The following RGS11 variants were observed in gnomAD, a reference collection of about 807,000 sequenced individuals.
RGS11 encodes regulator of G protein signaling 11.
In RGS11, 86 loss-of-function variants were observed where a neutral mutation model predicts 71.1. The ratio of observed to expected loss-of-function variants is 1.21; its 90% confidence interval spans 1.02 to 1.45. RGS11 has a LOEUF of 1.45. Ranked by LOEUF, RGS11 falls within the 40% of genes most tolerant of loss-of-function variation. The pLI is 0.00. For synonymous variants in RGS11, 298 were observed against 254.2 expected, an observed-to-expected ratio of 1.17 and a Z score of -1.64; for missense variants, 734 against 635.1, an observed-to-expected ratio of 1.16 and a Z score of -1.67.
chr16:273,255 G>A (rs57318979), intron 8 of RGS11, among the ~76,000 whole-genome samples: 1 of 152,208 alleles, frequency 6.6e-6, no homozygotes, highest in Non-Finnish European at 1.5e-5. Flanking sequence ...CTTGGGCCCA[G>A]AGAGAAGCTG....
chr16:272,984 CT>C, intron 8 of RGS11, 53 bp from the exon 9 acceptor site: 1 of 1,430,678 alleles, frequency 7.0e-7, no homozygotes. Flanking sequence ...GGCTGACCCC[CT>C]TTAAGGCTAA....
chr16:272,781 A>G (rs2051994169), intron 9 of RGS11, 82 bp downstream of exon 9: 1 of 1,532,584 alleles, frequency 6.5e-7, no homozygotes, highest in Non-Finnish European at 8.7e-7. Flanking sequence ...TGACGGACAG[A>G]TGGGCAGTCC....
intron 9 of RGS11, chr16:271,858 G>A: frequency 2.0e-6 from 1 of 499,548 alleles, no homozygotes; most frequent in Admixed American, 3.5e-5. Context: ...ATTTTTTTGA[G>A]ACAGTTTCAC....
chr16:275,917 CG>C lies in RGS11; in HGVS notation c.-7del. 1.5e-6 allele frequency: 1 copy of C among 685,644 alleles called. No homozygotes were observed. Among genetic ancestry groups the C allele is most frequent in the Non-Finnish European group, 1.8e-6 (1 of 560,786 alleles). 42.5% of individuals were successfully genotyped at this position (685,644 alleles called of 1,614,324 possible). A position where few individuals can be genotyped will look rare whatever the true frequency, so the allele number is the denominator to read the frequency against. On this transcript the variant is annotated 5_prime_UTR_variant, in exon 1 of 17. Transcript: ENST00000397770. ...GGCGCGGGGCCGGCGGCCATGGCTGCGGGGCGAGGCCGGCGGGGATGACCGA... is the reference window on the plus strand; with the variant it reads ...GGCGCGGGGCCGGCGGCCATGGCTGCGGGCGAGGCCGGCGGGGATGACCGA...
chr16:269,388 G>A lies in RGS11; in HGVS notation c.1290-5C>T. ...CTCCACGTAAACGGGAACACGCTGTGGGCGAGAAGGCGGCTGAGAACAGGC... is the reference window on the plus strand; with the variant it reads ...CTCCACGTAAACGGGAACACGCTGTAGGCGAGAAGGCGGCTGAGAACAGGC... On this transcript the variant is annotated splice_polypyrimidine_tract_variant and splice_region_variant and intron_variant, in intron 16 of 16. Coordinates refer to ENST00000397770, the MANE Select transcript of RGS11 (RefSeq NM_183337.3). The A allele has an allele frequency of 6.3e-7, 1 of 1,598,028 alleles. No individual in the cohort carries two copies. Among genetic ancestry groups the A allele is most frequent in the Non-Finnish European group, 8.5e-7 (1 of 1,171,548 alleles).
intron 15 of RGS11, 93 bp downstream of exon 15, chr16:270,430 C>T (rs1484214625): frequency 1.4e-6 from 2 of 1,412,200 alleles, no homozygotes; most frequent in Non-Finnish European, 1.9e-6. Flanking sequence ...TCAACGTGGG[C>T]AGTGCCTGTG....
chr16:275,234 G>T (rs753533213), intron 3 of RGS11, 49 bp downstream of exon 3: 1 of 1,610,870 alleles, frequency 6.2e-7, no homozygotes, highest in Admixed American at 1.7e-5. Context: ...CCCAGGCCTA[G>T]GCCACCAGCC....
Position 275,438 on chromosome 16 carries a change from G to A in RGS11, c.124C>T (p.Arg42Cys). ...TGGGGAATGACGGTGACCAGCAGGC[G>A]CTGGCTCCGCATCTTCACGCCCTGG... Reference protein sequence around the residue: ...PDQGVKMRSQRLLVTVIPHAV... With the variant: ...PDQGVKMRSQCLLVTVIPHAV... The change falls in exon 2 of 17, where the codon CGC becomes TGC. Residue 42 changes from arginine (R) to cysteine (C), a missense_variant. Coordinates refer to ENST00000397770, the MANE Select transcript of RGS11 (RefSeq NM_183337.3). 1.9e-6 allele frequency: 3 copies of A among 1,599,726 alleles called. No homozygotes were observed. The highest frequency in any genetic ancestry group is 2.5e-6 in the Non-Finnish European group (3 of 1,178,612).
chr16:271,692 C>T, intron 9 of RGS11, 123 bp from the exon 10 acceptor site: 3 of 923,876 alleles, frequency 3.2e-6, no homozygotes, highest in Non-Finnish European at 3.5e-6. Flanking sequence ...GATGGTGGCC[C>T]AGGCCCCCAG....
In RGS11 at chr16:270,846, AC is replaced by A; in HGVS notation, c.980-16del. 1 of 1,607,636 alleles carries A rather than the reference AC, an allele frequency of 6.2e-7. No individual in the cohort carries two copies. Among genetic ancestry groups the A allele is most frequent in the East Asian group, 2.2e-5 (1 of 44,654 alleles). ...GAGGTTTTCTCCTGGGGGGCCGGGC[AC>A]CCAGTCAAGGATCCCATCGAGAGTG... On this transcript the variant is annotated splice_polypyrimidine_tract_variant and intron_variant, in intron 13 of 16. Transcript: ENST00000397770.
rs2051913102 is a variant in RGS11 at position 271,090 on chromosome 16, G to A, written c.873C>T (p.Ala291=). The change falls in exon 13 of 17, where the codon GCC becomes GCT. Residue 291 remains alanine (A), a synonymous_variant. Transcript: ENST00000397770. ...ATCTCTCCACACGGAGCTTCGTGGG[G>A]GCAGCCACCCTGGGGAGAGGGCAGG... is the stretch of plus-strand genomic sequence containing the variant. The part of the protein sequence containing the change: ...YWVMNAPTVA[A]PTKLRVERWG... 2 of 1,611,982 alleles carry A rather than the reference G, an allele frequency of 1.2e-6. No homozygotes were observed. Among genetic ancestry groups the A allele is most frequent in the African/African-American group, 1.3e-5 (1 of 75,022 alleles).
intron 4 of RGS11, 29 bp downstream of exon 4, chr16:274,947 C>T (rs759624987): frequency 1.3e-6 from 2 of 1,542,192 alleles, no homozygotes; most frequent in Non-Finnish European, 1.8e-6. Context: ...GGGGTCCCAC[C>T]GGCTCCCACC....
rs373564193 is a variant in RGS11, at chr16:271,343, G to A, written c.750-28C>T. ...GGAAGGGGGTATGGGGGCTGGTGCA[G>A]GAGGGGCCTCAGCACTCAGCAGGGG... is the stretch of plus-strand genomic sequence containing the variant. On this transcript the variant is annotated intron_variant, in intron 11 of 16. Coordinates refer to ENST00000397770, the MANE Select transcript of RGS11 (RefSeq NM_183337.3). The A allele has an allele frequency of 3.7e-6, 6 of 1,611,714 alleles. No individual in the cohort carries two copies. The African/African-American group carries it at 8.0e-5, about 22-fold the overall frequency.
chr16:272,343 G>T, intron 9 of RGS11: 1 of 1,289,728 alleles, frequency 7.8e-7, no homozygotes, highest in Non-Finnish European at 1.0e-6. Flanking sequence ...GAAATGTTAG[G>T]GTCGTGAACT....
intron 15 of RGS11, among the ~76,000 whole-genome samples, chr16:270,299 A>T (rs964241643): frequency 6.6e-6 from 1 of 152,222 alleles, no homozygotes; most frequent in Non-Finnish European, 1.5e-5. Flanking sequence ...CTTATTAAGC[A>T]TGTGATCTGG....
At position 269,526 on chromosome 16, in the gene RGS11, C is replaced by T; in HGVS notation, c.1266G>A (p.Gly422=). 2 of 1,613,320 alleles carry T rather than the reference C, an allele frequency of 1.2e-6. No homozygotes were observed. Among genetic ancestry groups the T allele is most frequent in the Non-Finnish European group, 1.7e-6 (2 of 1,179,930 alleles). ...ACCGTCTCTTCATCTCCAGCGGGAT[C>T]CCAGCCTCTGCCAGGAGGGCCTTGT... ...DMYKALLAEA[G]IPLEMKRRVF... The change falls in exon 16 of 17, where the codon GGG becomes GGA. Residue 422 remains glycine, a synonymous_variant. Coordinates refer to ENST00000397770, the MANE Select transcript of RGS11 (RefSeq NM_183337.3).
chr16:273,446 ACC>A (rs878963183), intron 8 of RGS11, 27 bp downstream of exon 8: 22 of 1,521,692 alleles, frequency 1.4e-5, no homozygotes, highest in Admixed American at 2.0e-5. Flanking sequence ...CTGGCCAGCG[ACC>A]CCCACCCTCA....
At chr16:275,609 G>T in intron 1 of RGS11, 111 bp from the exon 2 acceptor site, 1 of 966,468 alleles carries the variant, frequency 1.0e-6, no homozygotes, top group Non-Finnish European at 1.5e-6. Context: ...CGCGGCGGCG[G>T]CGGATTCCAG....
chr16:268,559 A>T lies in RGS11; in HGVS notation c.*710T>A, dbSNP rs2051774820. On this transcript the variant is annotated 3_prime_UTR_variant, in exon 17 of 17. Transcript: ENST00000397770. ...GGAGGATCAGGGACGCCTGGCAAGG[A>T]TCCACCCTATGGAATCGGGCCTCGT... 1.7e-6 allele frequency: 1 copy of T among 595,414 alleles called. No homozygotes were observed. Among genetic ancestry groups the T allele is most frequent in the Admixed American group, 2.9e-5 (1 of 34,374 alleles). 36.9% of individuals were successfully genotyped at this position (595,414 alleles called of 1,614,324 possible).
Sources: allele counts gnomAD v4.1 joint callset (sites outside exome capture counted in the v4.1 genomes callset), GRCh38; gene constraint gnomAD v4.1.1; transcripts MANE v1.5; gene names NCBI Gene and HGNC (gene_info 2026-07-23, HGNC 2026-07-21).